Variants in NOSTRIN observed in about 807,000 individuals in gnomAD.
The protein encoded by NOSTRIN is BM247 homolog.
NOSTRIN carries 63 observed loss-of-function variants against 59.0 expected under a neutral mutation model. That is an observed-to-expected ratio of 1.07 (90% CI 0.87 to 1.32). The LOEUF is 1.32. Among genes scored for constraint, NOSTRIN ranks in the 40% most tolerant of loss-of-function variants. The pLI is 0.00. For synonymous variants in NOSTRIN, 200 were observed against 165.4 expected (o/e 1.21, Z -1.61); for missense variants, 512 against 473.1 (o/e 1.08, Z -0.76).
chr2:168,788,870 C>T lies in NOSTRIN; in HGVS notation c.-473+822C>T, dbSNP rs191784375. Among the ~76,000 whole-genome samples, 32 of 149,924 alleles carry T rather than the reference C, an allele frequency of 2.1e-4. 1 individual carries two copies. The highest frequency in any genetic ancestry group is 6.4e-4 in the African/African-American group (26 of 40,594). On this transcript the variant is annotated intron_variant, in intron 2 of 20. Transcript: ENST00000458381. Reference sequence around the variant, plus strand: ...ATGCATTTACCTGTGAGTATGTGTGCGTATACACACACACAGATAAAAAGA... The same window carrying T: ...ATGCATTTACCTGTGAGTATGTGTGTGTATACACACACACAGATAAAAAGA...
intron 8 of NOSTRIN, among the ~76,000 whole-genome samples, chr2:168,849,475 C>T (rs981594798): frequency 1.3e-5 from 2 of 152,012 alleles, no homozygotes; most frequent in African/African-American, 4.8e-5. Flanking sequence ...CCTGCCTCAG[C>T]CTCCTGAGTA....
rs769691288 is a variant in NOSTRIN at position 168,856,783 on chromosome 2, A to G, written c.1053+5A>G. ...ACAGCAGCGTTAATGGATGAGGTAAATGTTTGCCGAGTGCATTTCCTAGAT... is the reference window on the plus strand; with the variant it reads ...ACAGCAGCGTTAATGGATGAGGTAAGTGTTTGCCGAGTGCATTTCCTAGAT... On this transcript the variant is annotated splice_donor_5th_base_variant and intron_variant, in intron 12 of 15. Coordinates refer to ENST00000317647, the MANE Select transcript of NOSTRIN (RefSeq NM_001039724.4). 6 of 1,613,246 alleles carry G rather than the reference A, an allele frequency of 3.7e-6. No individual in the cohort carries two copies. Among genetic ancestry groups the G allele is most frequent in the Admixed American group, 1.7e-5 (1 of 60,016 alleles).
chr2:168,802,551 T>A, upstream of NOSTRIN: 1 of 812,910 alleles, frequency 1.2e-6, no homozygotes, highest in Non-Finnish European at 2.1e-6. Flanking sequence ...CTCTAGGCCC[T>A]TTGAATCCCG....
intron 12 of NOSTRIN, among the ~76,000 whole-genome samples, chr2:168,858,083 TTTAG>T (rs1177875722): frequency 6.6e-6 from 1 of 152,350 alleles, no homozygotes; most frequent in East Asian, 1.9e-4. Context: ...GCACAAGCTG[TTTAG>T]TTAACTACTG....
At chr2:168,815,106 T>C (rs1047207081) in intron 2 of NOSTRIN, among the ~76,000 whole-genome samples, 2 of 152,206 alleles carry the variant, frequency 1.3e-5, no homozygotes, top group Non-Finnish European at 2.9e-5. Context: ...ACAATCAAGC[T>C]GCCAGGCCAG....
upstream of NOSTRIN, among the ~76,000 whole-genome samples, chr2:168,799,793 C>T (rs1685568835): frequency 6.6e-6 from 1 of 152,224 alleles, no homozygotes; most frequent in African/African-American, 2.4e-5. Flanking sequence ...GCTCCTTGTC[C>T]TTGCTGCTTT....
At chr2:168,793,203 C>T (rs1218609074), upstream of NOSTRIN, among the ~76,000 whole-genome samples, 1 of 152,216 alleles carries the variant, frequency 6.6e-6, no homozygotes, top group Non-Finnish European at 1.5e-5. Flanking sequence ...GTTAAGGCCT[C>T]ACCATTTTTC....
At chr2:168,812,729 C>G (rs1042509228) in intron 2 of NOSTRIN, among the ~76,000 whole-genome samples, 1 of 152,132 alleles carries the variant, frequency 6.6e-6, no homozygotes, top group Non-Finnish European at 1.5e-5. Context: ...CTCCTAGATC[C>G]TCTGGCACCA....
chr2:168,820,863 C>T (rs554750515), intron 2 of NOSTRIN, among the ~76,000 whole-genome samples: 43 of 152,208 alleles, frequency 2.8e-4, no homozygotes, highest in Non-Finnish European at 4.9e-4. Context: ...CTTTTTAGGT[C>T]TGCTTAGCCT....
upstream of NOSTRIN, chr2:168,798,060 T>A (rs1685530903): frequency 6.6e-6 from 1 of 152,198 alleles, no homozygotes. Flanking sequence ...AGGTAACTCA[T>A]AATACCTAAT....
At position 168,862,046 on chromosome 2, in the gene NOSTRIN, A is replaced by C. The variant is rs769119808; in HGVS notation, c.1381A>C (p.Lys461Gln). The C allele has an allele frequency of 3.0e-5, 48 of 1,613,524 alleles. 1 individual carries two copies. The Admixed American group carries it at 7.8e-4, about 26-fold the overall frequency. Reference protein sequence around the residue: ...ARQDDELNLEKGDIVIIHEKK... With the variant: ...ARQDDELNLEQGDIVIIHEKK... ...GCAAGATGATGAGTTGAATTTGGAA[A>C]AGGGTAAGAATCATTCTCAAATATT... is the stretch of plus-strand genomic sequence containing the variant. The change falls in exon 15 of 16, where the codon AAG (lysine) becomes CAG (glutamine). Residue 461 changes from lysine to glutamine, a missense_variant. Coordinates refer to ENST00000317647, the MANE Select transcript of NOSTRIN (RefSeq NM_001039724.4).
chr2:168,800,909 T>TAA (rs1472847040), upstream of NOSTRIN, among the ~76,000 whole-genome samples: 5 of 59,446 alleles, frequency 8.4e-5, no homozygotes, highest in Admixed American at 2.0e-4. Flanking sequence ...TAAATTTCTT[T>TAA]TAAAAAAAAA....
chr2:168,832,704 A>G (rs946353311), intron 6 of NOSTRIN, among the ~76,000 whole-genome samples: 2 of 152,278 alleles, frequency 1.3e-5, no homozygotes, highest in Non-Finnish European at 2.9e-5. Flanking sequence ...TATAAAAAGT[A>G]AAGTCCCAGA....
upstream of NOSTRIN, among the ~76,000 whole-genome samples, chr2:168,794,676 C>T (rs1218236524): frequency 5.9e-5 from 9 of 152,204 alleles, no homozygotes; most frequent in Non-Finnish European, 1.5e-5. Context: ...AACAAGTACT[C>T]AGAGGGCTGT....
At chr2:168,799,368 T>G (rs901388309), upstream of NOSTRIN, among the ~76,000 whole-genome samples, 3 of 152,198 alleles carry the variant, frequency 2.0e-5, no homozygotes, top group Non-Finnish European at 4.4e-5. Flanking sequence ...TTTGCTCCTC[T>G]TACTCACATG....
At chr2:168,825,008 CTTGGCCTTCCA>C (rs1031536712) in intron 3 of NOSTRIN, among the ~76,000 whole-genome samples, 11 of 152,172 alleles carry the variant, frequency 7.2e-5, no homozygotes, top group African/African-American at 2.7e-4. Context: ...ATCCTCCTGC[CTTGGCCTTCCA>C]AAGTTCTGGG....
At chr2:168,798,575 C>T (rs1215341908), upstream of NOSTRIN, among the ~76,000 whole-genome samples, 1 of 152,192 alleles carries the variant, frequency 6.6e-6, no homozygotes, top group Non-Finnish European at 1.5e-5. Flanking sequence ...ACCAGGAAGG[C>T]ACATGCTGAG....
rs371390747 is a variant in NOSTRIN, at chr2:168,863,414, G to GA, written c.1384+1370dup. ...TGAGGAAAAGAGTGAAAGGAAGACTGAAAAATCACCTCAGAATGATGCCAA... is the reference window on the plus strand; with the variant it reads ...TGAGGAAAAGAGTGAAAGGAAGACTGAAAAAATCACCTCAGAATGATGCCAA... On this transcript the variant is annotated intron_variant, in intron 15 of 15. Coordinates refer to ENST00000317647, the MANE Select transcript of NOSTRIN (RefSeq NM_001039724.4). The GA allele has an allele frequency of 1.6e-4, 155 of 984,936 alleles. No homozygotes were observed. In the African/African-American group the frequency reaches 2.6e-3, roughly 16 times the overall value. The allele number at this position is 984,936 out of a possible 1,614,324, so 61.0% of individuals were successfully genotyped here. A position where few individuals can be genotyped will look rare whatever the true frequency, so the allele number is the denominator to read the frequency against.
At chr2:168,805,273 T>G (rs1574256022) in intron 1 of NOSTRIN, among the ~76,000 whole-genome samples, 1 of 152,346 alleles carries the variant, frequency 6.6e-6, no homozygotes, top group East Asian at 1.9e-4. Flanking sequence ...TAAGATTGCC[T>G]AAATGCTGTG....
Sources: gnomAD v4.1 joint callset for allele counts (sites outside exome capture counted in the v4.1 genomes callset) on GRCh38, gnomAD v4.1.1 for gene constraint, MANE v1.5 for transcripts, NCBI Gene and HGNC (gene_info 2026-07-23, HGNC 2026-07-21) for gene names.